The following PLEKHA1 variants were observed in gnomAD, a reference collection of about 807,000 sequenced individuals.
PLEKHA1 encodes the protein pleckstrin homology domain-containing family A member 1.
Under a neutral mutation model 52.0 loss-of-function variants are expected in PLEKHA1, and 34 were observed. That is an observed-to-expected ratio of 0.65 (90% CI 0.50 to 0.87). The LOEUF (loss-of-function observed/expected upper bound fraction) is 0.87. Ranked by LOEUF, PLEKHA1 falls within the 40% of genes least tolerant of loss-of-function variation. PLEKHA1 has a pLI of 0.00. For synonymous variants in PLEKHA1, 163 were observed against 170.7 expected (o/e 0.95, Z 0.35); for missense variants, 497 against 504.2 (o/e 0.99, Z 0.14).
intron 5 of PLEKHA1, among the ~76,000 whole-genome samples, chr10:122,409,832 GTA>G (rs2097082309): frequency 6.6e-6 from 1 of 150,924 alleles, no homozygotes. Context: ...CCAGGCTGGA[GTA>G]CAGTGGTGCT....
At chr10:122,392,653 C>T (rs2096792615) in intron 1 of PLEKHA1, among the ~76,000 whole-genome samples, 1 of 152,152 alleles carries the variant, frequency 6.6e-6, no homozygotes, top group Non-Finnish European at 1.5e-5. Flanking sequence ...TGGAAAATCA[C>T]TTCCCCTGTG....
chr10:122,387,555 C>T (rs904302488), intron 1 of PLEKHA1: 7 of 152,070 alleles, frequency 4.6e-5, no homozygotes, highest in African/African-American at 1.7e-4. Flanking sequence ...TACCTGAGGG[C>T]TTTTCTGTAG....
chr10:122,416,484 A>G (rs2097177306), intron 7 of PLEKHA1, among the ~76,000 whole-genome samples: 1 of 152,170 alleles, frequency 6.6e-6, no homozygotes, highest in African/African-American at 2.4e-5. Flanking sequence ...AAGGAATATC[A>G]TATAAAACCT....
chr10:122,441,212 A>G, the PLEKHA1 span: 2 of 152,214 alleles, frequency 1.3e-5, no homozygotes, highest in Admixed American at 6.5e-5. Context: ...GCTCACACCT[A>G]TAATCGCAGC....
chr10:122,413,132 C>G, intron 6 of PLEKHA1, 87 bp downstream of exon 6: 1 of 1,163,336 alleles, frequency 8.6e-7, no homozygotes. Flanking sequence ...TGCATCTTTG[C>G]TTAATTGGTA....
At chr10:122,422,588 C>G (rs2097275155) in intron 8 of PLEKHA1, 1 of 152,184 alleles carries the variant, frequency 6.6e-6, no homozygotes, top group African/African-American at 2.4e-5. Context: ...AAATAACTGG[C>G]CTGCACTTCT....
At chr10:122,380,354 G>A (rs78030497) in intron 1 of PLEKHA1, among the ~76,000 whole-genome samples, 1 of 152,122 alleles carries the variant, frequency 6.6e-6, no homozygotes, top group Admixed American at 6.5e-5. Flanking sequence ...AAACAGACAA[G>A]AATCAGGTAA....
chr10:122,418,000 G>C, intron 8 of PLEKHA1, 32 bp downstream of exon 8: 1 of 1,545,536 alleles, frequency 6.5e-7, no homozygotes, highest in Non-Finnish European at 8.9e-7. Flanking sequence ...GTTGCTATAA[G>C]AATGTTTGAA....
At chr10:122,401,069 G>T (rs2096921225) in intron 4 of PLEKHA1, among the ~76,000 whole-genome samples, 1 of 152,180 alleles carries the variant, frequency 6.6e-6, no homozygotes, top group African/African-American at 2.4e-5. Flanking sequence ...TGGCCAGCTA[G>T]CCTCCTGCTT....
chr10:122,413,941 C>A (rs185067887), intron 6 of PLEKHA1, among the ~76,000 whole-genome samples: 9 of 152,036 alleles, frequency 5.9e-5, no homozygotes, highest in Non-Finnish European at 7.4e-5. Context: ...TCTTTTGCTA[C>A]GGGAGGGTGA....
chr10:122,427,006 G>C lies in PLEKHA1; in HGVS notation c.875G>C (p.Arg292Pro). Reference protein sequence around the residue: ...KAVSGAIVAQRGPGRSASSEH... With the variant: ...KAVSGAIVAQPGPGRSASSEH... ...GTCTCTGGCGCCATTGTAGCACAGC[G>C]GGGTCCCGGCAGATCTGCGTCTTCT... Residue 292 changes from arginine to proline, a missense_variant, in exon 11 of 12, where the codon CGG becomes CCG. By Grantham distance (103) the Arg-to-Pro change is moderately radical (BLOSUM62 -2). Coordinates refer to ENST00000368990, the MANE Select transcript of PLEKHA1 (RefSeq NM_001001974.4). The C allele has an allele frequency of 6.2e-7, 1 of 1,613,974 alleles. No individual in the cohort carries two copies. The highest frequency in any genetic ancestry group is 8.5e-7 in the Non-Finnish European group (1 of 1,179,902).
chr10:122,387,992 C>T (rs1175904068), intron 1 of PLEKHA1: 1 of 152,144 alleles, frequency 6.6e-6, no homozygotes, highest in Non-Finnish European at 1.5e-5. Context: ...TGGTAAGTAA[C>T]GTTACAGCAT....
intron 5 of PLEKHA1, 110 bp downstream of exon 5, chr10:122,406,783 G>C: frequency 1.2e-6 from 1 of 805,396 alleles, no homozygotes; most frequent in Non-Finnish European, 2.0e-6. Context: ...TCATACTCAA[G>C]CTTTGTTTAA....
At chr10:122,433,845 A>G (rs769676963), downstream of PLEKHA1, 7 of 152,142 alleles carry the variant, frequency 4.6e-5, no homozygotes, top group Non-Finnish European at 1.0e-4. Flanking sequence ...CAAAAAGGAG[A>G]GCATTTAGTA....
At chr10:122,440,261 GT>G in the PLEKHA1 span, 1 of 152,190 alleles carries the variant, frequency 6.6e-6, no homozygotes, top group African/African-American at 2.4e-5. Flanking sequence ...TGGAGAACAT[GT>G]CTAGGTTCCC....
chr10:122,402,135 C>T (rs1390696868), intron 4 of PLEKHA1, among the ~76,000 whole-genome samples: 1 of 151,974 alleles, frequency 6.6e-6, no homozygotes, highest in African/African-American at 2.4e-5. Context: ...TTTTGACAAC[C>T]CTTTTTTTTC....
At chr10:122,392,761 C>A (rs1346082276) in intron 1 of PLEKHA1, among the ~76,000 whole-genome samples, 1 of 151,974 alleles carries the variant, frequency 6.6e-6, no homozygotes, top group Non-Finnish European at 1.5e-5. Flanking sequence ...TTGTACAGAG[C>A]CTAGCATGTA....
chr10:122,426,884 G>A, intron 10 of PLEKHA1, 58 bp from the exon 11 acceptor site: 2 of 1,367,370 alleles, frequency 1.5e-6, no homozygotes, highest in Non-Finnish European at 2.1e-6. Context: ...TACATTGGCT[G>A]TATAGAAGTA....
chr10:122,424,847 AACTC>A, intron 9 of PLEKHA1, 45 bp from the exon 10 acceptor site: 2 of 1,493,806 alleles, frequency 1.3e-6, no homozygotes, highest in East Asian at 2.3e-5. Context: ...ATGAAAGAGA[AACTC>A]AAACAACTGC....
Sources: allele counts gnomAD v4.1 joint callset (sites outside exome capture counted in the v4.1 genomes callset), GRCh38; gene constraint gnomAD v4.1.1; transcripts MANE v1.5; gene names NCBI Gene and HGNC (gene_info 2026-07-23, HGNC 2026-07-21).